Variants in ATP2B4 observed in about 807,000 individuals in gnomAD.
ATP2B4 encodes ATPase plasma membrane Ca2+ transporting 4.
A neutral mutation model predicts 110.3 loss-of-function variants in ATP2B4; 39 were observed. That is an observed-to-expected ratio of 0.35 (90% CI 0.27 to 0.46). ATP2B4 has a LOEUF of 0.46. ATP2B4 is among the 20% of genes least tolerant of loss of function. ATP2B4 has a pLI of 1.00. For missense variants in ATP2B4, 1,135 were observed against 1,530.9 expected, an observed-to-expected ratio of 0.74 and a Z score of 4.32; for synonymous variants, 538 against 571.7, an observed-to-expected ratio of 0.94 and a Z score of 0.84.
intron 1 of ATP2B4, among the ~76,000 whole-genome samples, chr1:203,673,269 C>G (rs1664729399): frequency 6.6e-6 from 1 of 152,130 alleles, no homozygotes; most frequent in Non-Finnish European, 1.5e-5. Context: ...GGGAGGGGCC[C>G]AATAGGTTTG....
At chr1:203,640,135 T>G (rs1663582188) in intron 1 of ATP2B4, among the ~76,000 whole-genome samples, 1 of 152,110 alleles carries the variant, frequency 6.6e-6, no homozygotes, top group Admixed American at 6.6e-5. Flanking sequence ...AAGTGCTAGA[T>G]ATACGTAAAG....
intron 1 of ATP2B4, among the ~76,000 whole-genome samples, chr1:203,638,176 C>T (rs1663515911): frequency 6.6e-6 from 1 of 152,172 alleles, no homozygotes; most frequent in Admixed American, 6.5e-5. Context: ...ACTGAGGACA[C>T]TCAGAGCATC....
rs1214513187 is a variant in ATP2B4 at position 203,710,996 on chromosome 1, T to C, written c.1919T>C (p.Ile640Thr). Residue 640 changes from isoleucine (I) to threonine (T), a missense_variant, in exon 12 of 21, where the codon ATA becomes ACA. This residue lies in a region of ATP2B4 where 368 missense variants were observed against 455.9 expected (regional missense o/e 0.81). Coordinates refer to ENST00000357681, the MANE Select transcript of ATP2B4 (RefSeq NM_001684.5). ...MACDGLRTIC[I>T]AYRDFDDTEP... The stretch of plus-strand genomic sequence containing the variant: ...TGTGATGGACTCCGGACTATCTGCA[T>C]AGCTTACCGGGACTTCGATGACACA... 3.7e-6 allele frequency: 6 copies of C among 1,613,972 alleles called. No homozygotes were observed. The highest frequency in any genetic ancestry group is 4.2e-6 in the Non-Finnish European group (5 of 1,180,008).
intron 2 of ATP2B4, among the ~76,000 whole-genome samples, chr1:203,694,477 G>T (rs544699503): frequency 7.9e-5 from 12 of 152,158 alleles, no homozygotes; most frequent in Non-Finnish European, 1.8e-4. Context: ...CAACAAAGAG[G>T]AATCTGGGCA....
chr1:203,656,973 C>G, intron 1 of ATP2B4: 3 of 712,676 alleles, frequency 4.2e-6, no homozygotes, highest in Non-Finnish European at 7.8e-6. Context: ...GCTGTCAAAC[C>G]AGTAAGACTG....
Position 203,628,694 on chromosome 1 carries a change from C to G in ATP2B4, c.-465+1475C>G, listed in dbSNP as rs556327245. On this transcript the variant is annotated intron_variant, in intron 1 of 20. Transcript: ENST00000357681. ...GCGCTTCCCATTGGAGGCCCTACTACGCCCCCTCCACTCTGAGCCCTCTAC... is the reference window on the plus strand; with the variant it reads ...GCGCTTCCCATTGGAGGCCCTACTAGGCCCCCTCCACTCTGAGCCCTCTAC... Among the ~76,000 whole-genome samples, 4 of 152,292 alleles carry G rather than the reference C, an allele frequency of 2.6e-5. No individual in the cohort carries two copies. The South Asian group carries it at 8.3e-4, about 32-fold the overall frequency.
intron 1 of ATP2B4, among the ~76,000 whole-genome samples, chr1:203,634,683 G>C (rs1558008435): frequency 2.0e-5 from 3 of 152,020 alleles, no homozygotes; most frequent in Middle Eastern, 3.5e-3. Context: ...GTTTGTTTTT[G>C]AGACCGGGTC....
At chr1:203,642,872 G>A (rs1415209607) in intron 1 of ATP2B4, among the ~76,000 whole-genome samples, 1 of 152,174 alleles carries the variant, frequency 6.6e-6, no homozygotes, top group Non-Finnish European at 1.5e-5. Flanking sequence ...CACAAATGAA[G>A]AGTGATACAT....
At chr1:203,655,218 G>GT (rs1274076801) in intron 1 of ATP2B4, among the ~76,000 whole-genome samples, 2 of 152,200 alleles carry the variant, frequency 1.3e-5, no homozygotes, top group Non-Finnish European at 2.9e-5. Flanking sequence ...TACTGTTGAA[G>GT]TGACAAAGGA....
At chr1:203,706,898 G>T in intron 8 of ATP2B4, 111 bp from the exon 9 acceptor site, 1 of 850,926 alleles carries the variant, frequency 1.2e-6, no homozygotes, top group Non-Finnish European at 1.9e-6. Context: ...TCCTGGCGAT[G>T]GTGGTTTTAA....
chr1:203,633,372 A>T (rs553773807), intron 1 of ATP2B4, among the ~76,000 whole-genome samples: 5 of 152,312 alleles, frequency 3.3e-5, no homozygotes, highest in Non-Finnish European at 7.3e-5. Context: ...GGGCAGGAGG[A>T]TCGCTGGAGC....
intron 20 of ATP2B4, among the ~76,000 whole-genome samples, chr1:203,732,481 A>G (rs1429092216): frequency 1.3e-5 from 2 of 152,206 alleles, no homozygotes; most frequent in Non-Finnish European, 2.9e-5. Flanking sequence ...GATAGCTCAG[A>G]CAAGATACCC....
In ATP2B4 at chr1:203,655,331, T is replaced by C. The variant is rs184594485; in HGVS notation, c.-464-27411T>C. Among the ~76,000 whole-genome samples the C allele has an allele frequency of 5.9e-3, 767 of 130,634 alleles. 5 individuals are homozygous for C. Among genetic ancestry groups the C allele is most frequent in the African/African-American group, 0.019 (685 of 35,550 alleles). 85.7% of individuals were successfully genotyped at this position (130,634 alleles called of 152,430 possible). On this transcript the variant is annotated intron_variant, in intron 1 of 20. Transcript: ENST00000357681. ...CTACTCTGGGTAAAATGCTGTCAAATATCAGTCCTTCATGGGGATGTAAAA... is the reference window on the plus strand; with the variant it reads ...CTACTCTGGGTAAAATGCTGTCAAACATCAGTCCTTCATGGGGATGTAAAA...
At position 203,692,366 on chromosome 1, in the gene ATP2B4, A is replaced by G. The variant is rs143055285; in HGVS notation, c.194-5791A>G. Among the ~76,000 whole-genome samples, 83 of 152,146 alleles carry G rather than the reference A, an allele frequency of 5.5e-4. No homozygotes were observed. In the East Asian group the frequency reaches 0.014, roughly 25 times the overall value. On this transcript the variant is annotated intron_variant, in intron 2 of 20. Coordinates refer to ENST00000357681, the MANE Select transcript of ATP2B4 (RefSeq NM_001684.5). ...CTAATTTTTTTTATTATTTGTAGAG[A>G]CAGAATCTTTCCGTATTGCCCCGGC...
At chr1:203,704,338 T>C (rs115426599) in intron 8 of ATP2B4, among the ~76,000 whole-genome samples, 2,457 of 152,178 alleles carry the variant, frequency 0.016, 74 homozygotes, top group African/African-American at 0.057. Context: ...TATGAGGAAG[T>C]GGCTTCTCCA....
chr1:203,636,079 C>T (rs1170613310), intron 1 of ATP2B4, among the ~76,000 whole-genome samples: 3 of 152,220 alleles, frequency 2.0e-5, no homozygotes, highest in Admixed American at 6.5e-5. Context: ...CCAGAGTCAC[C>T]CACCTAACTT....
intron 1 of ATP2B4, among the ~76,000 whole-genome samples, chr1:203,631,725 G>T (rs10453881): frequency 0.97 from 148,257 of 152,280 alleles, 72,303 homozygotes; most frequent in Middle Eastern, 1. Context: ...GCAATCCTAC[G>T]TCTAGGAATT....
At chr1:203,690,106 C>T (rs1013323242) in intron 2 of ATP2B4, among the ~76,000 whole-genome samples, 1 of 152,176 alleles carries the variant, frequency 6.6e-6, no homozygotes, top group Non-Finnish European at 1.5e-5. Context: ...ACGGCCAACC[C>T]AAATTACAAT....
At chr1:203,636,270 C>G (rs961243753) in intron 1 of ATP2B4, among the ~76,000 whole-genome samples, 4 of 152,224 alleles carry the variant, frequency 2.6e-5, no homozygotes, top group Non-Finnish European at 5.9e-5. Flanking sequence ...TAGGCACTCC[C>G]TTGGCAAGGG....
Sources: allele counts gnomAD v4.1 joint callset (sites outside exome capture counted in the v4.1 genomes callset), GRCh38; gene constraint gnomAD v4.1.1; regional missense constraint gnomAD v4.1.1; transcripts MANE v1.5; gene names NCBI Gene and HGNC (gene_info 2026-07-23, HGNC 2026-07-21).